The following BACH2 variants were observed in gnomAD, a reference collection of about 807,000 sequenced individuals.
The protein encoded by BACH2 is BACH transcriptional regulator 2, also known as transcription regulator protein BACH2.
In BACH2, 5 loss-of-function variants were observed where a neutral mutation model predicts 61.8. The observed-to-expected ratio is 0.08, with a 90% CI of 0.04 to 0.17. The LOEUF is 0.17. Ranked by LOEUF, BACH2 falls within the 10% of genes least tolerant of loss-of-function variation. BACH2 has a pLI of 1.00. For missense variants in BACH2, 824 were observed against 1,091.1 expected, an observed-to-expected ratio of 0.76 and a Z score of 3.45; for synonymous variants, 446 against 440.1, an observed-to-expected ratio of 1.01 and a Z score of -0.17.
At chr6:89,960,529 T>G (rs1584534547) in intron 6 of BACH2, among the ~76,000 whole-genome samples, 1 of 152,278 alleles carries the variant, frequency 6.6e-6, no homozygotes, top group African/African-American at 2.4e-5. Flanking sequence ...GCCAATTGGA[T>G]GCAGTACATC....
At chr6:90,001,534 T>C (rs768212310) in intron 6 of BACH2, 24 of 152,196 alleles carry the variant, frequency 1.6e-4, no homozygotes, top group Non-Finnish European at 3.2e-4. Context: ...AGTGCTTAAT[T>C]AACTTAAAAG....
intron 4 of BACH2, among the ~76,000 whole-genome samples, chr6:90,193,587 CA>C (rs1768653056): frequency 6.6e-6 from 1 of 152,150 alleles, no homozygotes; most frequent in Non-Finnish European, 1.5e-5. Flanking sequence ...CCTGAGCAGA[CA>C]AAATAGATGG....
intron 1 of BACH2, among the ~76,000 whole-genome samples, chr6:90,282,008 T>C (rs1771871596): frequency 2.0e-5 from 3 of 152,132 alleles, no homozygotes; most frequent in Non-Finnish European, 4.4e-5. Flanking sequence ...TATGTGGTTA[T>C]ACTAGTTGAT....
At chr6:90,004,977 T>C (rs1777328937) in intron 6 of BACH2, among the ~76,000 whole-genome samples, 1 of 152,132 alleles carries the variant, frequency 6.6e-6, no homozygotes, top group African/African-American at 2.4e-5. Context: ...TGCCATTTGT[T>C]TTTTTTTAAA....
chr6:90,196,653 T>C (rs143663075), intron 4 of BACH2, among the ~76,000 whole-genome samples: 7 of 152,146 alleles, frequency 4.6e-5, no homozygotes, highest in Admixed American at 2.0e-4. Context: ...TTTTTCATGA[T>C]TGGTTGCAGT....
intron 4 of BACH2, among the ~76,000 whole-genome samples, chr6:90,181,675 G>A (rs1032052301): frequency 8.5e-5 from 13 of 152,164 alleles, no homozygotes; most frequent in African/African-American, 3.1e-4. Flanking sequence ...TCGATCACCT[G>A]GGCTCAAGCA....
intron 5 of BACH2, among the ~76,000 whole-genome samples, chr6:90,041,550 G>T (rs1279920750): frequency 2.6e-5 from 4 of 151,982 alleles, no homozygotes; most frequent in African/African-American, 9.7e-5. Context: ...GCTAGGCTCT[G>T]TTTGCTAATA....
intron 4 of BACH2, among the ~76,000 whole-genome samples, chr6:90,152,137 T>C (rs570443334): frequency 6.6e-6 from 1 of 152,248 alleles, no homozygotes; most frequent in Admixed American, 6.5e-5. Flanking sequence ...CTCTTTCTCC[T>C]TTCTGCCTCT....
chr6:89,964,098 C>T (rs940635265), intron 6 of BACH2, among the ~76,000 whole-genome samples: 1 of 151,708 alleles, frequency 6.6e-6, no homozygotes. Context: ...GGAGATATAC[C>T]TAATGCTAGA....
chr6:90,110,450 CT>C lies in BACH2; in HGVS notation c.-161-21342del, dbSNP rs1184513452. Reference sequence around the variant, plus strand: ...ATACTTGTTCACTAAGTTCGGAGATCTTTGAGATCTTTTGAATGTTTCACAT... The same window carrying C: ...ATACTTGTTCACTAAGTTCGGAGATCTTGAGATCTTTTGAATGTTTCACAT... On this transcript the variant is annotated intron_variant, in intron 4 of 8. Transcript: ENST00000257749. 2.0e-5 allele frequency among the ~76,000 whole-genome samples: 3 copies of C among 152,220 alleles called. No individual in the cohort carries two copies. In the East Asian group the frequency reaches 5.8e-4, roughly 29 times the overall value.
chr6:90,268,601 AATTTCATTTTTCTAGT>A (rs1200420741), intron 2 of BACH2, among the ~76,000 whole-genome samples: 4 of 152,112 alleles, frequency 2.6e-5, no homozygotes, highest in Admixed American at 2.0e-4. Context: ...AGTTTCTTTA[AATTTCATTTTTCTAGT>A]ATTTCATTTT....
intron 4 of BACH2, among the ~76,000 whole-genome samples, chr6:90,185,155 C>T (rs138532803): frequency 1.7e-4 from 26 of 152,250 alleles, no homozygotes; most frequent in African/African-American, 5.3e-4. Flanking sequence ...GAGACAGACA[C>T]GGAACAGCCA....
At chr6:90,136,976 T>C (rs915282609) in intron 4 of BACH2, among the ~76,000 whole-genome samples, 1 of 152,054 alleles carries the variant, frequency 6.6e-6, no homozygotes, top group African/African-American at 2.4e-5. Flanking sequence ...AAGGAACTTG[T>C]AGAGTCACTG....
Position 89,930,765 on chromosome 6 carries a change from GGGTTCCC to G in BACH2, c.*1636_*1642del, listed in dbSNP as rs1772600719. On this transcript the variant is annotated 3_prime_UTR_variant, in exon 9 of 9. Transcript: ENST00000257749. ...GTGTGATTCGGGAAGGGGACAGGGA[GGGTTCCC>G]GGTGATAGCTTGTCCAAAGCCTCAG... 1 of 152,576 alleles carries G rather than the reference GGGTTCCC, an allele frequency of 6.6e-6. No individual in the cohort carries two copies. The highest frequency in any genetic ancestry group is 1.5e-5 in the Non-Finnish European group (1 of 68,060). The allele number at this position is 152,576 out of a possible 1,614,324, so 9.5% of individuals were successfully genotyped here.
chr6:89,941,479 C>T (rs927762582), intron 7 of BACH2, among the ~76,000 whole-genome samples: 14 of 152,354 alleles, frequency 9.2e-5, no homozygotes, highest in Admixed American at 5.9e-4. Context: ...GTCGGCTTGG[C>T]CCTGCTCCGA....
chr6:90,034,523 GAAT>G lies in BACH2; in HGVS notation c.-12-25670_-12-25668del, dbSNP rs58709187. On this transcript the variant is annotated intron_variant, in intron 5 of 8. Coordinates refer to ENST00000257749, the MANE Select transcript of BACH2 (RefSeq NM_021813.4). ...TCATAAAACATTAGCACAAAAATAG[GAAT>G]AATGAAATTTAATTATACATTATTC... 5.2e-3 allele frequency among the ~76,000 whole-genome samples: 792 copies of G among 152,042 alleles called. 47 individuals carry two copies. In the East Asian group the frequency reaches 0.14, roughly 27 times the overall value.
At chr6:90,228,590 A>T (rs1769990590) in intron 3 of BACH2, among the ~76,000 whole-genome samples, 1 of 152,130 alleles carries the variant, frequency 6.6e-6, no homozygotes. Flanking sequence ...CTCTACTAAA[A>T]TTACAAAAAT....
At chr6:90,236,255 C>G (rs1388666737) in intron 3 of BACH2, among the ~76,000 whole-genome samples, 1 of 152,222 alleles carries the variant, frequency 6.6e-6, no homozygotes, top group African/African-American at 2.4e-5. Context: ...AAGCAATAAA[C>G]AGTGCTCAAA....
At chr6:90,022,281 T>C (rs759879474) in intron 5 of BACH2, among the ~76,000 whole-genome samples, 2 of 152,192 alleles carry the variant, frequency 1.3e-5, no homozygotes, top group Non-Finnish European at 2.9e-5. Context: ...ACTTTTCCTA[T>C]ATTTAAATGT....
Sources: allele counts gnomAD v4.1 joint callset (sites outside exome capture counted in the v4.1 genomes callset), GRCh38; gene constraint gnomAD v4.1.1; transcripts MANE v1.5; gene names NCBI Gene and HGNC (gene_info 2026-07-23, HGNC 2026-07-21).